The following MRPL48 variants were observed in gnomAD, a reference collection of about 807,000 sequenced individuals.
MRPL48 encodes large ribosomal subunit protein mL48.
In MRPL48, 16 loss-of-function variants were observed where a neutral mutation model predicts 32.9. The ratio of observed to expected loss-of-function variants is 0.49; its 90% CI spans 0.33 to 0.74. The LOEUF (loss-of-function observed/expected upper bound fraction) is 0.74, where lower values mean the gene tolerates loss of function less well. Among genes scored for constraint, MRPL48 ranks in the 30% least tolerant of loss-of-function variants. MRPL48 has a pLI of 0.02. For synonymous variants in MRPL48, 94 were observed against 89.2 expected (o/e 1.05, Z -0.31); for missense variants, 206 against 245.3 (o/e 0.84, Z 1.07).
intron 5 of MRPL48, among the ~76,000 whole-genome samples, chr11:73,858,670 C>T (rs1948528886): frequency 6.6e-6 from 1 of 152,218 alleles, no homozygotes; most frequent in South Asian, 2.1e-4. Context: ...ATTTAGGAAT[C>T]TTATTTCATT....
At chr11:73,832,019 C>T (rs1343870176) in intron 4 of MRPL48, among the ~76,000 whole-genome samples, 1 of 150,314 alleles carries the variant, frequency 6.7e-6, no homozygotes, top group Non-Finnish European at 1.5e-5. Flanking sequence ...TTTCCCAAGA[C>T]CATTTAGTTA....
In MRPL48 at chr11:73,791,423, A is replaced by G. The variant is rs576876291; in HGVS notation, c.21+3431A>G. Among the ~76,000 whole-genome samples, 318 of 149,920 alleles carry G rather than the reference A, an allele frequency of 2.1e-3. 1 individual carries two copies. Among genetic ancestry groups the G allele is most frequent in the Non-Finnish European group, 3.1e-3 (212 of 67,326 alleles). ...ATGCAACTATATTTTCTTTTTTTTT[A>G]AATTTTGTTTTGAGACAGGGTCTCA... On this transcript the variant is annotated intron_variant, in intron 1 of 7. Transcript: ENST00000310614.
chr11:73,853,260 G>A (rs1305607127), intron 5 of MRPL48, among the ~76,000 whole-genome samples: 2 of 152,158 alleles, frequency 1.3e-5, no homozygotes, highest in Non-Finnish European at 2.9e-5. Flanking sequence ...ATTGTTTGTA[G>A]CACAAAGGAT....
At chr11:73,825,527 G>A (rs968289750) in intron 3 of MRPL48, among the ~76,000 whole-genome samples, 181 bp from the exon 4 acceptor site, 3 of 151,740 alleles carry the variant, frequency 2.0e-5, no homozygotes, top group Admixed American at 1.3e-4. Context: ...ACTTGGGGTC[G>A]GCGGGGAGGG....
In MRPL48 at chr11:73,855,787, C is replaced by CTTTA. The variant is rs761850940; in HGVS notation, c.372-4104_372-4101dup. The stretch of plus-strand genomic sequence containing the variant: ...AGGCGTGAGCCACCGTGCCTGGCCT[C>CTTTA]TTTATTTATTTATTTATTTTTGTTT... On this transcript the variant is annotated intron_variant, in intron 5 of 7. Coordinates refer to ENST00000310614, the MANE Select transcript of MRPL48 (RefSeq NM_016055.6). 2.6e-4 allele frequency among the ~76,000 whole-genome samples: 40 copies of CTTTA among 152,138 alleles called. 1 individual carries two copies. The highest frequency in any genetic ancestry group is 4.3e-4 in the Non-Finnish European group (29 of 67,984).
chr11:73,806,233 C>G (rs1479198475), intron 2 of MRPL48, among the ~76,000 whole-genome samples: 1 of 152,094 alleles, frequency 6.6e-6, no homozygotes, highest in Non-Finnish European at 1.5e-5. Flanking sequence ...AAACTAAAAC[C>G]TGCAATCTTT....
chr11:73,825,284 A>G lies in MRPL48; in HGVS notation c.113-424A>G, dbSNP rs966464085. 1.6e-4 allele frequency among the ~76,000 whole-genome samples: 23 copies of G among 139,914 alleles called. No individual in the cohort carries two copies. The East Asian group carries it at 2.3e-3, about 14-fold the overall frequency. 91.8% of individuals were successfully genotyped at this position (139,914 alleles called of 152,430 possible). A position where few individuals can be genotyped will look rare whatever the true frequency, so the allele number is the denominator to read the frequency against. On this transcript the variant is annotated intron_variant, in intron 3 of 7. Coordinates refer to ENST00000310614, the MANE Select transcript of MRPL48 (RefSeq NM_016055.6). ...CTTACTGTTACCTTGTTTTTTATATATGTGTGTGTGTGTGTGTGTGTGTGT... is the reference window on the plus strand; with the variant it reads ...CTTACTGTTACCTTGTTTTTTATATGTGTGTGTGTGTGTGTGTGTGTGTGT...
intron 4 of MRPL48, among the ~76,000 whole-genome samples, chr11:73,844,268 A>G (rs1948245225): frequency 3.3e-5 from 5 of 151,730 alleles, no homozygotes; most frequent in African/African-American, 4.8e-5. Context: ...CATCTCTACG[A>G]AAAATACGAA....
At chr11:73,863,778 A>G (rs1948623975) in intron 7 of MRPL48, among the ~76,000 whole-genome samples, 1 of 152,158 alleles carries the variant, frequency 6.6e-6, no homozygotes, top group Non-Finnish European at 1.5e-5. Context: ...AGTTGCCAAG[A>G]TGATCCTTCT....
chr11:73,791,120 A>C (rs1040005731), intron 1 of MRPL48, among the ~76,000 whole-genome samples: 7 of 151,634 alleles, frequency 4.6e-5, no homozygotes, highest in African/African-American at 1.5e-4. Context: ...TCCTGGGCTC[A>C]AGCAATCTGC....
chr11:73,850,262 A>T (rs2515089), intron 5 of MRPL48, among the ~76,000 whole-genome samples: 1 of 151,958 alleles, frequency 6.6e-6, no homozygotes, highest in Non-Finnish European at 1.5e-5. Context: ...TTACAGAATC[A>T]ATATAAAATA....
At chr11:73,797,246 CAAT>C (rs1462991466) in intron 1 of MRPL48, among the ~76,000 whole-genome samples, 1 of 152,192 alleles carries the variant, frequency 6.6e-6, no homozygotes, top group East Asian at 1.9e-4. Context: ...TTCTGCCACT[CAAT>C]AAAGCTCTTC....
chr11:73,860,089 C>CTCTTT, intron 6 of MRPL48, 80 bp downstream of exon 6: 1 of 1,205,610 alleles, frequency 8.3e-7, no homozygotes, highest in East Asian at 2.5e-5. Flanking sequence ...TTCTATTATG[C>CTCTTT]TCTTTTCTTT....
chr11:73,860,020 C>A lies in MRPL48; in HGVS notation c.474+11C>A. On this transcript the variant is annotated intron_variant, in intron 6 of 7. Transcript: ENST00000310614. ...GAGCGAGTGGTTCAGGTAGGCACTC[C>A]AGGAGAATAAAAAATGTATTTGCTT... 1 of 1,603,010 alleles carries A rather than the reference C, an allele frequency of 6.2e-7. No homozygotes were observed. The highest frequency in any genetic ancestry group is 1.1e-5 in the South Asian group (1 of 89,808).
intron 5 of MRPL48, among the ~76,000 whole-genome samples, chr11:73,857,015 C>A (rs1452369224): frequency 1.3e-5 from 2 of 152,204 alleles, no homozygotes; most frequent in Non-Finnish European, 2.9e-5. Context: ...CCTTTCCGCC[C>A]CTTCTTGTCC....
At chr11:73,790,062 ATT>A (rs34534770) in intron 1 of MRPL48, among the ~76,000 whole-genome samples, 5 of 103,814 alleles carry the variant, frequency 4.8e-5, no homozygotes, top group African/African-American at 7.5e-5. Context: ...TGCTCAGCTA[ATT>A]TTTTTTTTTT....
At chr11:73,856,100 G>C (rs1948477957) in intron 5 of MRPL48, among the ~76,000 whole-genome samples, 1 of 152,202 alleles carries the variant, frequency 6.6e-6, no homozygotes, top group Non-Finnish European at 1.5e-5. Flanking sequence ...ATTCTAACAG[G>C]CATGGCGGAC....
chr11:73,834,296 A>G (rs1948048755), intron 4 of MRPL48, among the ~76,000 whole-genome samples: 1 of 152,186 alleles, frequency 6.6e-6, no homozygotes, highest in Non-Finnish European at 1.5e-5. Context: ...GGCTTAAGTA[A>G]AATAGAAATT....
chr11:73,851,942 C>G (rs1430916645), intron 5 of MRPL48, among the ~76,000 whole-genome samples: 5 of 146,940 alleles, frequency 3.4e-5, no homozygotes, highest in Admixed American at 6.8e-5. Context: ...CACACACACA[C>G]AGTGAATGCA....
Sources: gnomAD v4.1 joint callset for allele counts (sites outside exome capture counted in the v4.1 genomes callset) on GRCh38, gnomAD v4.1.1 for gene constraint, MANE v1.5 for transcripts, NCBI Gene and HGNC (gene_info 2026-07-23, HGNC 2026-07-21) for gene names.